Variants in AKT3 observed in about 807,000 individuals in gnomAD.
The protein encoded by AKT3 is AKT serine/threonine kinase 3.
A neutral mutation model predicts 65.3 loss-of-function variants in AKT3; 15 were observed. That is an observed-to-expected ratio of 0.23 (90% CI 0.15 to 0.35). AKT3 has a LOEUF of 0.35. Among genes scored for constraint, AKT3 ranks in the 10% least tolerant of loss-of-function variants. The pLI, the probability that AKT3 is intolerant of heterozygous loss-of-function variation, is 1.00. For missense variants in AKT3, 243 were observed against 576.5 expected (o/e 0.42, Z 5.92); for synonymous variants, 206 against 183.8 (o/e 1.12, Z -0.98).
chr1:243,535,661 A>C (rs1671874962), intron 12 of AKT3, among the ~76,000 whole-genome samples: 1 of 152,182 alleles, frequency 6.6e-6, no homozygotes, highest in African/African-American at 2.4e-5. Context: ...CTATCTTTGC[A>C]ATTGTGAATT....
At chr1:243,520,909 A>G (rs1410784607) in intron 12 of AKT3, among the ~76,000 whole-genome samples, 1 of 152,232 alleles carries the variant, frequency 6.6e-6, no homozygotes, top group Non-Finnish European at 1.5e-5. Context: ...TAAAAGTGTC[A>G]ATGAAAGAAC....
intron 8 of AKT3, among the ~76,000 whole-genome samples, chr1:243,594,727 C>T (rs1435589339): frequency 2.6e-5 from 4 of 152,086 alleles, no homozygotes; most frequent in South Asian, 2.1e-4. Context: ...CCTTGCACCA[C>T]CAGTCCAGGC....
At position 243,503,217 on chromosome 1, in the gene AKT3, C is replaced by T. The variant is rs531329460; in HGVS notation, c.*2032G>A. Reference sequence around the variant, plus strand: ...GTAGAAATATGAAAAAGAAGGATAACGTTGATGTCTGAATATGTCTTAGCT... The same window carrying T: ...GTAGAAATATGAAAAAGAAGGATAATGTTGATGTCTGAATATGTCTTAGCT... On this transcript the variant is annotated 3_prime_UTR_variant, in exon 14 of 14. Transcript: ENST00000673466. The T allele has an allele frequency of 8.9e-4, 208 of 233,544 alleles. 1 individual carries two copies. Among genetic ancestry groups the T allele is most frequent in the Non-Finnish European group, 1.4e-3 (166 of 118,012 alleles). The allele number at this position is 233,544 out of a possible 1,614,324, so 14.5% of individuals were successfully genotyped here.
intron 2 of AKT3, among the ~76,000 whole-genome samples, chr1:243,699,465 C>CCATATATATATATA (rs1389882625): frequency 4.8e-5 from 5 of 103,612 alleles, no homozygotes; most frequent in African/African-American, 2.4e-4. Context: ...ACCTCTTCCA[C>CCATATATATATATA]TATATATATA....
chr1:243,796,897 C>A (rs12404385), intron 2 of AKT3, among the ~76,000 whole-genome samples: 1 of 151,958 alleles, frequency 6.6e-6, no homozygotes, highest in Non-Finnish European at 1.5e-5. Flanking sequence ...ACTGTACGAT[C>A]CACTTACATG....
chr1:243,771,277 G>C (rs1462050226), intron 2 of AKT3, among the ~76,000 whole-genome samples: 1 of 151,978 alleles, frequency 6.6e-6, no homozygotes, highest in Admixed American at 6.6e-5. Flanking sequence ...GATTATTAGA[G>C]TGTATTCTAT....
intron 9 of AKT3, among the ~76,000 whole-genome samples, chr1:243,564,133 A>G (rs933396621): frequency 3.3e-5 from 5 of 152,218 alleles, no homozygotes; most frequent in Admixed American, 2.6e-4. Context: ...AAGCCTAATC[A>G]ACTTTTCAAA....
chr1:243,657,925 A>G (rs1332656029), intron 4 of AKT3, among the ~76,000 whole-genome samples: 6 of 152,220 alleles, frequency 3.9e-5, no homozygotes, highest in Non-Finnish European at 8.8e-5. Flanking sequence ...GGGTATCAAC[A>G]TGCAAAAGAA....
intron 11 of AKT3, among the ~76,000 whole-genome samples, chr1:243,550,197 A>G (rs1672949352): frequency 6.6e-6 from 1 of 152,218 alleles, no homozygotes; most frequent in Non-Finnish European, 1.5e-5. Flanking sequence ...ATGAACATCT[A>G]GAGCAGAGAC....
chr1:243,580,824 C>T (rs1675285819), intron 8 of AKT3, among the ~76,000 whole-genome samples: 1 of 152,066 alleles, frequency 6.6e-6, no homozygotes, highest in Admixed American at 6.6e-5. Context: ...CCAGAGTAAC[C>T]ATTTGCCTAG....
intron 2 of AKT3, among the ~76,000 whole-genome samples, chr1:243,767,158 T>G (rs533298395): frequency 6.6e-6 from 1 of 152,270 alleles, no homozygotes; most frequent in African/African-American, 2.4e-5. Context: ...TATAGTCACA[T>G]TATGTAGGTA....
intron 2 of AKT3, among the ~76,000 whole-genome samples, chr1:243,713,745 A>AT (rs1491405999): frequency 4.3e-5 from 4 of 92,512 alleles, no homozygotes; most frequent in Non-Finnish European, 8.5e-5. Flanking sequence ...CTTTGCCTTA[A>AT]TAAAAAAAAA....
chr1:243,803,645 T>C (rs866897668), intron 2 of AKT3, among the ~76,000 whole-genome samples: 5 of 136,628 alleles, frequency 3.7e-5, no homozygotes, highest in African/African-American at 1.4e-4. Context: ...GACGTACATG[T>C]ACACACACAC....
downstream of AKT3, among the ~76,000 whole-genome samples, chr1:243,495,955 G>A (rs747310861): frequency 3.0e-4 from 46 of 152,256 alleles, no homozygotes; most frequent in African/African-American, 8.4e-4. Flanking sequence ...TCAGCTCTGC[G>A]TTGCTTCAGA....
chr1:243,527,218 A>G (rs1574540213), intron 12 of AKT3, among the ~76,000 whole-genome samples: 1 of 152,208 alleles, frequency 6.6e-6, no homozygotes, highest in Non-Finnish European at 1.5e-5. Flanking sequence ...TGCACATGAT[A>G]GATAAAAATA....
chr1:243,585,713 A>G (rs1002802748), intron 8 of AKT3, among the ~76,000 whole-genome samples: 32 of 152,168 alleles, frequency 2.1e-4, no homozygotes, highest in African/African-American at 6.0e-4. Flanking sequence ...CTGGACCCCT[A>G]TCTTTTACCA....
At chr1:243,598,392 T>C (rs1486361116) in intron 8 of AKT3, among the ~76,000 whole-genome samples, 1 of 152,188 alleles carries the variant, frequency 6.6e-6, no homozygotes, top group Non-Finnish European at 1.5e-5. Context: ...AAAGACTACA[T>C]AGTTTTTTTT....
At chr1:243,713,422 G>T (rs1227362286) in intron 2 of AKT3, among the ~76,000 whole-genome samples, 1 of 152,042 alleles carries the variant, frequency 6.6e-6, no homozygotes, top group African/African-American at 2.4e-5. Flanking sequence ...TGTACCCTTG[G>T]TTAACCAAAT....
chr1:243,555,765 T>C (rs1673365406), intron 10 of AKT3, among the ~76,000 whole-genome samples: 1 of 152,156 alleles, frequency 6.6e-6, no homozygotes, highest in Non-Finnish European at 1.5e-5. Flanking sequence ...TCATATAATT[T>C]GGATATAAAT....
Sources: gnomAD v4.1 joint callset for allele counts (sites outside exome capture counted in the v4.1 genomes callset) on GRCh38, gnomAD v4.1.1 for gene constraint, MANE v1.5 for transcripts, NCBI Gene and HGNC (gene_info 2026-07-23, HGNC 2026-07-21) for gene names.